The following TTC7B variants were observed in gnomAD, a reference collection of about 807,000 sequenced individuals.
TTC7B encodes the protein tetratricopeptide repeat domain 7B, also known as tetratricopeptide repeat protein 7B.
In TTC7B, 28 loss-of-function variants were observed where a neutral mutation model predicts 106.8. The ratio of observed to expected loss-of-function variants is 0.26; its 90% CI spans 0.19 to 0.36. The LOEUF is 0.36. TTC7B is among the 10% of genes least tolerant of loss of function. The pLI is 1.00. For missense variants in TTC7B, 862 were observed against 1,076.4 expected (o/e 0.80, Z 2.79); for synonymous variants, 405 against 430.6 (o/e 0.94, Z 0.74).
chr14:90,716,194 G>A (rs1285432734), intron 5 of TTC7B, among the ~76,000 whole-genome samples: 4 of 152,132 alleles, frequency 2.6e-5, no homozygotes, highest in African/African-American at 4.8e-5. Flanking sequence ...ATCACTAAGA[G>A]GAAACATGAG....
At chr14:90,781,897 C>T (rs965765636) in intron 2 of TTC7B, among the ~76,000 whole-genome samples, 2 of 152,180 alleles carry the variant, frequency 1.3e-5, no homozygotes, top group African/African-American at 4.8e-5. Flanking sequence ...TCCTCCGGCA[C>T]CTAGGGAAAG....
chr14:90,669,717 C>A (rs1369841107), intron 9 of TTC7B, among the ~76,000 whole-genome samples: 1 of 152,006 alleles, frequency 6.6e-6, no homozygotes, highest in Non-Finnish European at 1.5e-5. Context: ...AAAATCAATC[C>A]CACAATGAGA....
chr14:90,725,060 AC>A (rs1268424048), intron 5 of TTC7B, among the ~76,000 whole-genome samples: 1 of 152,178 alleles, frequency 6.6e-6, no homozygotes, highest in Non-Finnish European at 1.5e-5. Flanking sequence ...AGGGTTGCAT[AC>A]AAAAAAGTGG....
chr14:90,748,174 TTTTA>T (rs1890027852), intron 3 of TTC7B, among the ~76,000 whole-genome samples: 2 of 152,194 alleles, frequency 1.3e-5, no homozygotes, highest in Admixed American at 1.3e-4. Flanking sequence ...GCTGTTTGTT[TTTTA>T]TTTGTCCCAT....
chr14:90,710,056 G>GAAAAA (rs71461920), intron 5 of TTC7B, among the ~76,000 whole-genome samples: 1 of 119,382 alleles, frequency 8.4e-6, no homozygotes, highest in African/African-American at 3.1e-5. Context: ...TTTTCTACTT[G>GAAAAA]AAAAAAAAAA....
At chr14:90,565,676 A>C (rs1890765959) in intron 19 of TTC7B, among the ~76,000 whole-genome samples, 2 of 152,154 alleles carry the variant, frequency 1.3e-5, no homozygotes, top group Non-Finnish European at 1.5e-5. Context: ...CTGGGATTAC[A>C]GGCATGAGCC....
chr14:90,561,263 C>T (rs1231053930), intron 19 of TTC7B, among the ~76,000 whole-genome samples: 1 of 152,224 alleles, frequency 6.6e-6, no homozygotes, highest in Admixed American at 6.5e-5. Flanking sequence ...CTCAGAAGGT[C>T]ACTGGCCAGC....
intron 5 of TTC7B, among the ~76,000 whole-genome samples, chr14:90,696,012 C>CAA: frequency 6.6e-6 from 1 of 151,996 alleles, no homozygotes; most frequent in East Asian, 1.9e-4. Flanking sequence ...ATGGAAGGCA[C>CAA]AAAAAAACAG....
At chr14:90,607,481 T>G (rs1892692317) in intron 17 of TTC7B, among the ~76,000 whole-genome samples, 1 of 152,246 alleles carries the variant, frequency 6.6e-6, no homozygotes, top group Admixed American at 6.5e-5. Flanking sequence ...CAGGCCACAT[T>G]TGATCTCAGG....
chr14:90,786,453 ACTTCATAGC>A, intron 1 of TTC7B, 125 bp from the exon 2 acceptor site: 1 of 1,085,118 alleles, frequency 9.2e-7, no homozygotes, highest in Non-Finnish European at 1.3e-6. Flanking sequence ...TCCTTCTGGA[ACTTCATAGC>A]CTTCATAGGG....
At chr14:90,591,315 T>C (rs1206827332) in intron 18 of TTC7B, among the ~76,000 whole-genome samples, 1 of 152,192 alleles carries the variant, frequency 6.6e-6, no homozygotes, top group Non-Finnish European at 1.5e-5. Context: ...TACTCCAGCC[T>C]GGGCCAAAGA....
intron 3 of TTC7B, among the ~76,000 whole-genome samples, chr14:90,768,948 T>C (rs1890774920): frequency 6.6e-6 from 1 of 152,224 alleles, no homozygotes; most frequent in African/African-American, 2.4e-5. Context: ...GTTTCCTATA[T>C]AATTTAAGAG....
chr14:90,706,099 G>A (rs10142073), intron 5 of TTC7B, among the ~76,000 whole-genome samples: 16,503 of 151,954 alleles, frequency 0.11, 991 homozygotes, highest in Admixed American at 0.18. Flanking sequence ...TCAATCTCCC[G>A]GGAGTTACTA....
chr14:90,665,681 T>C (rs1886383987), intron 9 of TTC7B, among the ~76,000 whole-genome samples: 1 of 152,172 alleles, frequency 6.6e-6, no homozygotes, highest in Non-Finnish European at 1.5e-5. Context: ...GAAGTCTACG[T>C]CCAAAATTCA....
At chr14:90,687,024 A>G (rs925613648) in intron 7 of TTC7B, among the ~76,000 whole-genome samples, 1 of 151,266 alleles carries the variant, frequency 6.6e-6, no homozygotes. Context: ...TGGACAAGCT[A>G]AAATTCATAT....
rs1335817089 is a variant in TTC7B at position 90,578,537 on chromosome 14, C to T, written c.2108-229G>A. 6.6e-6 allele frequency among the ~76,000 whole-genome samples: 1 copy of T among 152,072 alleles called. No individual in the cohort carries two copies. The highest frequency in any genetic ancestry group is 2.4e-5 in the African/African-American group (1 of 41,414). ...GCCTTGCAGGGCAGGCATAGGTCAC[C>T]ACCAGGCAGGGAGCAGTGAGGCCTG... On this transcript the variant is annotated intron_variant, in intron 18 of 19. Transcript: ENST00000328459. The surrounding 1 kb of genome is among the most constrained non-coding windows in gnomAD (Gnocchi z 4.7).
At chr14:90,772,764 G>C (rs1280486975) in intron 3 of TTC7B, 3 of 152,212 alleles carry the variant, frequency 2.0e-5, no homozygotes, top group Admixed American at 1.3e-4. Flanking sequence ...TTGAGTTCAG[G>C]AGTTCGGGAC....
In TTC7B at chr14:90,656,004, C is replaced by T. The variant is rs141345707; in HGVS notation, c.1342-894G>A. 7.7e-4 allele frequency among the ~76,000 whole-genome samples: 117 copies of T among 152,254 alleles called. 1 individual carries two copies. Among genetic ancestry groups the T allele is most frequent in the African/African-American group, 2.0e-3 (82 of 41,532 alleles). ...AATGCAAAGGTTGTGTCCACTCCTC[C>T]GCCTGCCCACTCCTGGAACCGCCTG... On this transcript the variant is annotated intron_variant, in intron 11 of 19. Coordinates refer to ENST00000328459, the MANE Select transcript of TTC7B (RefSeq NM_001010854.2).
At chr14:90,654,788 A>T (rs932383759) in intron 12 of TTC7B, among the ~76,000 whole-genome samples, 1 of 152,220 alleles carries the variant, frequency 6.6e-6, no homozygotes, top group Non-Finnish European at 1.5e-5. Context: ...GAGCCCTGGC[A>T]CAGGGCCTTC....
Sources: allele counts gnomAD v4.1 joint callset (sites outside exome capture counted in the v4.1 genomes callset), GRCh38; gene constraint gnomAD v4.1.1; non-coding constraint Gnocchi (gnomAD v3.1); transcripts MANE v1.5; gene names NCBI Gene and HGNC (gene_info 2026-07-23, HGNC 2026-07-21).